Variants in APP observed in about 807,000 individuals in gnomAD.
APP encodes amyloid beta precursor protein.
APP carries 31 observed loss-of-function variants against 101.4 expected under a neutral mutation model. That is an observed-to-expected ratio of 0.31 (90% CI 0.23 to 0.41). The LOEUF is 0.41. Ranked by LOEUF, APP falls within the 10% of genes least tolerant of loss-of-function variation. The probability of loss-of-function intolerance (pLI) is 1.00; values close to 1 mark genes in which losing one functional copy is unlikely to be tolerated. For missense variants in APP, 839 were observed against 1,003.7 expected (o/e 0.84, Z 2.22); for synonymous variants, 366 against 364.4 (o/e 1.00, Z -0.05).
At chr21:26,005,712 C>T (rs1325514829) in intron 6 of APP, among the ~76,000 whole-genome samples, 1 of 152,172 alleles carries the variant, frequency 6.6e-6, no homozygotes, top group Non-Finnish European at 1.5e-5. Context: ...CTTATGTTTA[C>T]ATTTTCTATT....
intron 1 of APP, among the ~76,000 whole-genome samples, chr21:26,141,919 G>A (rs561452434): frequency 6.6e-6 from 1 of 152,294 alleles, no homozygotes; most frequent in South Asian, 2.1e-4. Context: ...ACCTGCACAG[G>A]TAGCCAACAC....
At chr21:26,136,021 C>T (rs1454784798) in intron 1 of APP, among the ~76,000 whole-genome samples, 5 of 151,022 alleles carry the variant, frequency 3.3e-5, no homozygotes, top group African/African-American at 1.2e-4. Context: ...AATCCAGCTA[C>T]TCAGGAGGCT....
intron 5 of APP, among the ~76,000 whole-genome samples, chr21:26,036,959 A>G (rs551369269): frequency 1.8e-4 from 28 of 151,744 alleles, no homozygotes; most frequent in African/African-American, 6.5e-4. Context: ...CTAATGGATG[A>G]AGAAAATGTG....
chr21:25,926,358 G>T (rs1270533042), intron 13 of APP, among the ~76,000 whole-genome samples: 1 of 152,150 alleles, frequency 6.6e-6, no homozygotes, highest in Non-Finnish European at 1.5e-5. Flanking sequence ...CAGCTGATTT[G>T]GGAGAGAACC....
At chr21:26,155,066 C>A (rs1435662606) in intron 1 of APP, among the ~76,000 whole-genome samples, 1 of 152,182 alleles carries the variant, frequency 6.6e-6, no homozygotes, top group African/African-American at 2.4e-5. Flanking sequence ...GCCTGGCCAA[C>A]ATGGTGAAAT....
intron 1 of APP, among the ~76,000 whole-genome samples, chr21:26,126,371 T>C (rs2062685255): frequency 1.3e-5 from 2 of 152,232 alleles, no homozygotes; most frequent in African/African-American, 4.8e-5. Context: ...TAACCAACTG[T>C]GCCCTAATGA....
At chr21:25,991,897 A>C (rs961054001) in intron 8 of APP, among the ~76,000 whole-genome samples, 45 of 152,222 alleles carry the variant, frequency 3.0e-4, no homozygotes, top group African/African-American at 1.1e-3. Flanking sequence ...GCAAATAGCT[A>C]AACAACAGAG....
chr21:26,101,288 G>A lies in APP; in HGVS notation c.225+10691C>T, dbSNP rs184538492. On this transcript the variant is annotated intron_variant, in intron 2 of 17. Coordinates refer to ENST00000346798, the MANE Select transcript of APP (RefSeq NM_000484.4). ...TAATTTTTGTATTTTTAGTAGAGAC[G>A]GGGTTTCACCATGTTGGCTAGGATG... Among the ~76,000 whole-genome samples the A allele has an allele frequency of 5.9e-5, 9 of 151,788 alleles. No homozygotes were observed. In the East Asian group the frequency reaches 1.4e-3, roughly 23 times the overall value.
chr21:26,024,419 T>C (rs2044479881), intron 5 of APP, among the ~76,000 whole-genome samples: 2 of 152,050 alleles, frequency 1.3e-5, no homozygotes, highest in Non-Finnish European at 2.9e-5. Context: ...GAACCCGGGA[T>C]TTGTAGCCAC....
chr21:26,127,512 C>T (rs2062709499), intron 1 of APP, among the ~76,000 whole-genome samples: 1 of 152,170 alleles, frequency 6.6e-6, no homozygotes, highest in African/African-American at 2.4e-5. Flanking sequence ...CTCTCTATGT[C>T]TTGTATCTGC....
intron 13 of APP, among the ~76,000 whole-genome samples, chr21:25,930,909 GGAAA>G (rs1291551403): frequency 6.6e-6 from 1 of 152,194 alleles, no homozygotes; most frequent in Non-Finnish European, 1.5e-5. Flanking sequence ...TGGGGGGCTT[GGAAA>G]TGAATGGAAA....
chr21:26,039,202 G>A (rs566742436), intron 5 of APP, among the ~76,000 whole-genome samples: 4 of 152,148 alleles, frequency 2.6e-5, no homozygotes, highest in South Asian at 2.1e-4. Flanking sequence ...TATCTAACAC[G>A]TATTAACATT....
chr21:26,120,098 T>C (rs560069806), intron 1 of APP, among the ~76,000 whole-genome samples: 1 of 152,334 alleles, frequency 6.6e-6, no homozygotes, highest in African/African-American at 2.4e-5. Context: ...CTTGAGCTTG[T>C]GGGCTATAAT....
At chr21:25,894,369 C>T (rs927042435) in intron 16 of APP, among the ~76,000 whole-genome samples, 1 of 152,164 alleles carries the variant, frequency 6.6e-6, no homozygotes, top group African/African-American at 2.4e-5. Flanking sequence ...ATAGCGATTC[C>T]TCTAATGGAT....
At chr21:26,062,325 T>G (rs2046302590) in intron 3 of APP, among the ~76,000 whole-genome samples, 1 of 150,900 alleles carries the variant, frequency 6.6e-6, no homozygotes, top group African/African-American at 2.4e-5. Flanking sequence ...TGCAAAGGAT[T>G]TACTTTAAAA....
chr21:25,915,973 G>T (rs941725419), intron 13 of APP, among the ~76,000 whole-genome samples: 5 of 143,566 alleles, frequency 3.5e-5, no homozygotes, highest in Non-Finnish European at 7.7e-5. Flanking sequence ...CTTAGCCTTC[G>T]TTTTTTTTTT....
chr21:26,082,316 G>A (rs2061615284), intron 3 of APP, among the ~76,000 whole-genome samples: 1 of 152,122 alleles, frequency 6.6e-6, no homozygotes, highest in Admixed American at 6.5e-5. Context: ...TTGGCATAAA[G>A]CACTGCTGTC....
At chr21:26,084,429 G>C (rs1228645685) in intron 3 of APP, among the ~76,000 whole-genome samples, 1 of 152,104 alleles carries the variant, frequency 6.6e-6, no homozygotes, top group South Asian at 2.1e-4. Flanking sequence ...TAGTAGAGAC[G>C]GGGTTTCACC....
intron 1 of APP, among the ~76,000 whole-genome samples, chr21:26,140,871 C>T (rs137934264): frequency 1.2e-3 from 178 of 152,310 alleles, no homozygotes; most frequent in African/African-American, 3.7e-3. Context: ...GCTAAATGTT[C>T]TCAAGTTCTT....
Sources: allele counts gnomAD v4.1 joint callset (sites outside exome capture counted in the v4.1 genomes callset), GRCh38; gene constraint gnomAD v4.1.1; transcripts MANE v1.5; gene names NCBI Gene and HGNC (gene_info 2026-07-23, HGNC 2026-07-21).